NTM: variants seen among roughly 807,000 people sequenced by gnomAD.
NTM encodes the protein neurotrimin, also known as IgLON family member 2.
NTM carries 13 observed loss-of-function variants against 42.1 expected under a neutral mutation model. The ratio of observed to expected loss-of-function variants is 0.31; its 90% confidence interval spans 0.20 to 0.49. The LOEUF (loss-of-function observed/expected upper bound fraction) is 0.49, where lower values mean the gene tolerates loss of function less well. NTM is among the 20% of genes least tolerant of loss of function. The pLI, the probability that NTM is intolerant of heterozygous loss-of-function variation, is 0.99. For missense variants in NTM, 373 were observed against 452.8 expected, an observed-to-expected ratio of 0.82 and a Z score of 1.60; for synonymous variants, 187 against 179.2, an observed-to-expected ratio of 1.04 and a Z score of -0.35.
intron 1 of NTM, among the ~76,000 whole-genome samples, chr11:131,832,507 A>G (rs1049079887): frequency 6.6e-6 from 1 of 152,222 alleles, no homozygotes; most frequent in Non-Finnish European, 1.5e-5. Flanking sequence ...TTTAATCCCA[A>G]TACAGGACAC....
chr11:131,569,145 C>CA (rs1387522742), intron 1 of NTM, among the ~76,000 whole-genome samples: 2 of 141,028 alleles, frequency 1.4e-5, no homozygotes, highest in East Asian at 3.9e-4. Context: ...TTTTCGTTTT[C>CA]ATTTTTTTTT....
chr11:131,975,547 A>G (rs2064202552), intron 2 of NTM, among the ~76,000 whole-genome samples: 1 of 150,952 alleles, frequency 6.6e-6, no homozygotes, highest in Non-Finnish European at 1.5e-5. Flanking sequence ...GGAGGGGGGA[A>G]AAAAAACCTC....
intron 3 of NTM, among the ~76,000 whole-genome samples, chr11:132,196,406 AG>A (rs1399175561): frequency 9.8e-5 from 15 of 152,300 alleles, no homozygotes; most frequent in Non-Finnish European, 2.1e-4. Flanking sequence ...CAAAGGACTT[AG>A]AACTACCTTT....
rs888205211 is a variant in NTM, at chr11:131,414,493, C to T, written c.82+43605C>T. Among the ~76,000 whole-genome samples, 11 of 152,300 alleles carry T rather than the reference C, an allele frequency of 7.2e-5. No homozygotes were observed. In the East Asian group the frequency reaches 2.1e-3, roughly 29 times the overall value. On this transcript the variant is annotated intron_variant, in intron 1 of 8. Transcript: ENST00000683400. ...GCAGATCAGGGCAGCAGGTCCGGGA[C>T]TGCCACTTCCATCAGACAGGTTCTT...
intron 1 of NTM, among the ~76,000 whole-genome samples, chr11:131,900,669 A>AG (rs2053020012): frequency 2.7e-5 from 4 of 150,624 alleles, no homozygotes; most frequent in African/African-American, 9.7e-5. Flanking sequence ...GAGAGAGAGA[A>AG]AGAGAGAGAG....
chr11:132,258,623 C>T (rs748498690), intron 4 of NTM, among the ~76,000 whole-genome samples: 2 of 152,052 alleles, frequency 1.3e-5, no homozygotes, highest in Admixed American at 6.6e-5. Context: ...TAACTTTAGC[C>T]GTCTTTTGAA....
intron 1 of NTM, among the ~76,000 whole-genome samples, chr11:131,530,446 CTG>C (rs1565606038): frequency 7.9e-6 from 1 of 126,410 alleles, no homozygotes; most frequent in African/African-American, 4.0e-5. Context: ...AAAAAAAAGA[CTG>C]ACCAGTTCTT....
At chr11:131,379,001 T>C (rs1476430683) in intron 1 of NTM, among the ~76,000 whole-genome samples, 1 of 152,168 alleles carries the variant, frequency 6.6e-6, no homozygotes, top group African/African-American at 2.4e-5. Flanking sequence ...AAAACTTGTT[T>C]GTTTTCTGAT....
At chr11:131,802,082 A>T (rs1526564) in intron 1 of NTM, among the ~76,000 whole-genome samples, 4 of 152,128 alleles carry the variant, frequency 2.6e-5, no homozygotes, top group East Asian at 3.9e-4. Context: ...ATTACAATGC[A>T]TAGGTAAGAG....
At chr11:132,092,090 A>G (rs1008376113) in intron 2 of NTM, among the ~76,000 whole-genome samples, 11 of 152,140 alleles carry the variant, frequency 7.2e-5, no homozygotes, top group Admixed American at 6.5e-4. Flanking sequence ...GTTCACACCT[A>G]TCTTCTCAGT....
intron 1 of NTM, among the ~76,000 whole-genome samples, chr11:131,432,622 GAA>G (rs1390156217): frequency 6.6e-6 from 1 of 152,028 alleles, no homozygotes; most frequent in Admixed American, 6.6e-5. Context: ...TATTTTTTGT[GAA>G]AATAATTAAA....
intron 1 of NTM, among the ~76,000 whole-genome samples, chr11:131,711,691 T>C (rs1238165482): frequency 6.6e-6 from 1 of 151,942 alleles, no homozygotes; most frequent in Admixed American, 6.6e-5. Context: ...CATATGTTTA[T>C]TGCGGCACTA....
At chr11:131,703,539 G>A (rs1268977747) in intron 1 of NTM, among the ~76,000 whole-genome samples, 1 of 152,200 alleles carries the variant, frequency 6.6e-6, no homozygotes, top group African/African-American at 2.4e-5. Flanking sequence ...TTTAAAAACA[G>A]TTATGTCAAC....
At chr11:132,246,820 G>C (rs1194539821) in intron 4 of NTM, among the ~76,000 whole-genome samples, 1 of 152,190 alleles carries the variant, frequency 6.6e-6, no homozygotes, top group Admixed American at 6.5e-5. Context: ...ATTGTGAGCA[G>C]AAGCCTTGAG....
intron 4 of NTM, among the ~76,000 whole-genome samples, chr11:132,303,760 G>T (rs1354907910): frequency 2.0e-5 from 3 of 150,442 alleles, no homozygotes; most frequent in Non-Finnish European, 4.4e-5. Context: ...TCATCATGTT[G>T]GTCCAGGATG....
chr11:131,900,669 AAG>A (rs917270417), intron 1 of NTM, among the ~76,000 whole-genome samples: 6 of 150,590 alleles, frequency 4.0e-5, no homozygotes, highest in South Asian at 2.1e-4. Context: ...GAGAGAGAGA[AAG>A]AGAGAGAGAG....
At position 132,116,323 on chromosome 11, in the gene NTM, G is replaced by T. The variant is rs917862552; in HGVS notation, c.168-29959G>T. On this transcript the variant is annotated intron_variant, in intron 2 of 8. Transcript: ENST00000683400. Reference sequence around the variant, plus strand: ...GCTAGGACCATGGAGGTAGGGGCTGGAGCCACTGGGAGACACTGCCCATAG... The same window carrying T: ...GCTAGGACCATGGAGGTAGGGGCTGTAGCCACTGGGAGACACTGCCCATAG... 3.3e-5 allele frequency among the ~76,000 whole-genome samples: 5 copies of T among 152,194 alleles called. No individual in the cohort carries two copies. In the East Asian group the frequency reaches 9.6e-4, roughly 29 times the overall value.
intron 1 of NTM, among the ~76,000 whole-genome samples, chr11:131,530,371 GA>G (rs1322772409): frequency 9.4e-6 from 1 of 106,398 alleles, no homozygotes; most frequent in Admixed American, 1.1e-4. Flanking sequence ...AGGGCAAAAA[GA>G]AAAAAGAATG....
intron 1 of NTM, among the ~76,000 whole-genome samples, chr11:131,572,054 C>T (rs74710080): frequency 0.027 from 4,141 of 152,286 alleles, 186 homozygotes; most frequent in African/African-American, 0.094. Flanking sequence ...TTCATAAACT[C>T]CCATTGAAAT....
Sources: allele counts gnomAD v4.1 joint callset (sites outside exome capture counted in the v4.1 genomes callset), GRCh38; gene constraint gnomAD v4.1.1; transcripts MANE v1.5; gene names NCBI Gene and HGNC (gene_info 2026-07-23, HGNC 2026-07-21).